MSRA: variants seen among roughly 807,000 people sequenced by gnomAD.
MSRA encodes the protein methionine sulfoxide reductase A, also known as mitochondrial peptide methionine sulfoxide reductase.
Under a neutral mutation model 31.3 loss-of-function variants are expected in MSRA, and 54 were observed. The observed-to-expected ratio is 1.73, with a 90% CI of 1.39 to 2.17. MSRA has a LOEUF of 2.17. MSRA is among the 30% of genes most tolerant of loss of function. MSRA has a pLI of 0.00. For missense variants in MSRA, 507 were observed against 300.9 expected (o/e 1.69, Z -5.07); for synonymous variants, 169 against 116.5 (o/e 1.45, Z -2.90).
At chr8:10,310,581 TGC>T (rs1801380914) in intron 4 of MSRA, among the ~76,000 whole-genome samples, 1 of 152,246 alleles carries the variant, frequency 6.6e-6, no homozygotes, top group Admixed American at 6.5e-5. Context: ...TCCTGAGCTG[TGC>T]GCAATGCTAA....
At chr8:10,120,204 TG>T (rs1801005300) in intron 1 of MSRA, among the ~76,000 whole-genome samples, 1 of 152,154 alleles carries the variant, frequency 6.6e-6, no homozygotes, top group South Asian at 2.1e-4. Context: ...ACACAGAGAC[TG>T]TCCTGCAGAA....
chr8:10,071,229 T>A (rs1458660699), intron 1 of MSRA, among the ~76,000 whole-genome samples: 1 of 152,228 alleles, frequency 6.6e-6, no homozygotes, highest in Admixed American at 6.5e-5. Context: ...CATCATGGTT[T>A]TACTTTTTAT....
chr8:10,171,751 T>G (rs1805606471), intron 1 of MSRA, among the ~76,000 whole-genome samples: 1 of 152,166 alleles, frequency 6.6e-6, no homozygotes, highest in South Asian at 2.1e-4. Flanking sequence ...GTCTTTGCAG[T>G]TTGTTTAGGT....
intron 1 of MSRA, among the ~76,000 whole-genome samples, chr8:10,144,057 A>G (rs1802930225): frequency 6.6e-6 from 1 of 152,112 alleles, no homozygotes; most frequent in South Asian, 2.1e-4. Context: ...GTCTGGTGGT[A>G]ACAGTACCCA....
intron 3 of MSRA, among the ~76,000 whole-genome samples, chr8:10,283,836 TACACACACACAC>T (rs372503609): frequency 5.6e-5 from 3 of 53,160 alleles, no homozygotes; most frequent in African/African-American, 2.6e-4. Context: ...TATATATATA[TACACACACACAC>T]ACACACACAC....
In MSRA at chr8:10,198,267, T is replaced by G. The variant is rs141889214; in HGVS notation, c.143-9566T>G. Reference sequence around the variant, plus strand: ...CTACAGCATCACCATGCTTCCTTCTTGTTATTTTCCTTGACTTTGTTCTTT... The same window carrying G: ...CTACAGCATCACCATGCTTCCTTCTGGTTATTTTCCTTGACTTTGTTCTTT... On this transcript the variant is annotated intron_variant, in intron 1 of 5. Transcript: ENST00000317173. 8.5e-4 allele frequency among the ~76,000 whole-genome samples: 129 copies of G among 152,294 alleles called. 1 individual carries two copies. Among genetic ancestry groups the G allele is most frequent in the Non-Finnish European group, 7.4e-5 (5 of 68,016 alleles).
At chr8:10,104,029 G>T (rs1161345563) in intron 1 of MSRA, among the ~76,000 whole-genome samples, 7 of 152,158 alleles carry the variant, frequency 4.6e-5, no homozygotes, top group Non-Finnish European at 8.8e-5. Flanking sequence ...TTTTGCAAAT[G>T]AAATTAGATA....
At chr8:10,315,463 T>C (rs755362294) in intron 4 of MSRA, among the ~76,000 whole-genome samples, 1 of 152,250 alleles carries the variant, frequency 6.6e-6, no homozygotes, top group East Asian at 1.9e-4. Flanking sequence ...TAATCACTAA[T>C]TATAAATAGA....
intron 5 of MSRA, among the ~76,000 whole-genome samples, chr8:10,397,500 G>A (rs1807168896): frequency 6.6e-6 from 1 of 152,184 alleles, no homozygotes; most frequent in African/African-American, 2.4e-5. Flanking sequence ...CAGAGCCTGT[G>A]CTCTTCTTTG....
chr8:10,237,668 T>C (rs902422189), intron 2 of MSRA, among the ~76,000 whole-genome samples: 3 of 152,244 alleles, frequency 2.0e-5, no homozygotes, highest in Admixed American at 2.0e-4. Flanking sequence ...GATCTTTTCC[T>C]ACACGTCTGC....
At chr8:10,146,896 G>C (rs1415543390) in intron 1 of MSRA, among the ~76,000 whole-genome samples, 1 of 152,124 alleles carries the variant, frequency 6.6e-6, no homozygotes, top group Non-Finnish European at 1.5e-5. Context: ...TTGCAAAAGG[G>C]AGCCATTGGA....
intron 1 of MSRA, among the ~76,000 whole-genome samples, chr8:10,102,579 T>A (rs1799605654): frequency 6.6e-6 from 1 of 152,250 alleles, no homozygotes; most frequent in Admixed American, 6.5e-5. Context: ...CCAACATCTG[T>A]GCCATCTCAA....
At chr8:10,416,395 A>C (rs1451282449) in intron 5 of MSRA, among the ~76,000 whole-genome samples, 1 of 152,216 alleles carries the variant, frequency 6.6e-6, no homozygotes, top group African/African-American at 2.4e-5. Flanking sequence ...AAGCCCAGGA[A>C]AACCAACGCA....
intron 5 of MSRA, among the ~76,000 whole-genome samples, chr8:10,425,796 C>G (rs1245747320): frequency 6.6e-6 from 1 of 152,254 alleles, no homozygotes. Flanking sequence ...CTGTGAATCC[C>G]ACTGGCGTTG....
chr8:10,340,446 C>G (rs1803354014), intron 5 of MSRA, among the ~76,000 whole-genome samples: 1 of 152,234 alleles, frequency 6.6e-6, no homozygotes, highest in African/African-American at 2.4e-5. Flanking sequence ...GATCTTGGCT[C>G]ACTGCAACCT....
intron 1 of MSRA, among the ~76,000 whole-genome samples, chr8:10,055,424 C>T (rs866244549): frequency 1.3e-5 from 2 of 152,230 alleles, no homozygotes; most frequent in Admixed American, 6.5e-5. Context: ...GCAGACAGCA[C>T]GCGTTTCCCA....
At chr8:10,105,376 A>AT (rs1198183607) in intron 1 of MSRA, among the ~76,000 whole-genome samples, 2 of 152,160 alleles carry the variant, frequency 1.3e-5, no homozygotes, top group Middle Eastern at 3.2e-3. Context: ...ATGCATCAGA[A>AT]TTTTATCTCC....
intron 4 of MSRA, among the ~76,000 whole-genome samples, chr8:10,312,073 A>G (rs1159662943): frequency 6.6e-6 from 1 of 152,218 alleles, no homozygotes; most frequent in Non-Finnish European, 1.5e-5. Flanking sequence ...TTAAATTCAT[A>G]TATTAGAAGA....
chr8:10,386,613 G>C (rs140824319), intron 5 of MSRA, among the ~76,000 whole-genome samples: 1 of 151,980 alleles, frequency 6.6e-6, no homozygotes, highest in African/African-American at 2.4e-5. Flanking sequence ...ACAATTGTTG[G>C]GCCTTACCTG....
Sources: gnomAD v4.1 joint callset for allele counts (sites outside exome capture counted in the v4.1 genomes callset) on GRCh38, gnomAD v4.1.1 for gene constraint, MANE v1.5 for transcripts, NCBI Gene and HGNC (gene_info 2026-07-23, HGNC 2026-07-21) for gene names.